The following SLC8A3 variants were observed in gnomAD, a reference collection of about 807,000 sequenced individuals.
The protein encoded by SLC8A3 is solute carrier family 8 member A3.
SLC8A3 carries 37 observed loss-of-function variants against 65.4 expected under a neutral mutation model. That is an observed-to-expected ratio of 0.57 (90% CI 0.44 to 0.74). SLC8A3 has a LOEUF of 0.74. Among genes scored for constraint, SLC8A3 ranks in the 30% least tolerant of loss-of-function variants. The pLI is 0.00. For missense variants in SLC8A3, 1,112 were observed against 1,172.1 expected, an observed-to-expected ratio of 0.95 and a Z score of 0.75; for synonymous variants, 461 against 444.5, an observed-to-expected ratio of 1.04 and a Z score of -0.47.
At chr14:70,177,724 C>T (rs777679241) in intron 1 of SLC8A3, among the ~76,000 whole-genome samples, 15 of 152,276 alleles carry the variant, frequency 9.9e-5, no homozygotes, top group Middle Eastern at 3.4e-3. Context: ...TGGTAAGAGG[C>T]CTTGTGTGCC....
intron 2 of SLC8A3, among the ~76,000 whole-genome samples, chr14:70,087,335 C>T (rs989086929): frequency 1.3e-4 from 20 of 152,190 alleles, no homozygotes; most frequent in Non-Finnish European, 2.9e-4. Context: ...TCTTAGGCTG[C>T]TGTGCAACTT....
intron 1 of SLC8A3, among the ~76,000 whole-genome samples, chr14:70,178,182 C>T (rs2140421781): frequency 6.6e-6 from 1 of 152,338 alleles, no homozygotes; most frequent in East Asian, 1.9e-4. Context: ...GGAATCAACA[C>T]AAAACCATCC....
intron 2 of SLC8A3, among the ~76,000 whole-genome samples, chr14:70,118,580 C>T (rs1284016379): frequency 1.6e-4 from 24 of 152,172 alleles, no homozygotes; most frequent in Admixed American, 1.6e-3. Flanking sequence ...AGAAAGAATG[C>T]CTTTGCTAGT....
chr14:70,164,836 T>A (rs1897082188), intron 2 of SLC8A3, among the ~76,000 whole-genome samples: 1 of 152,200 alleles, frequency 6.6e-6, no homozygotes, highest in African/African-American at 2.4e-5. Flanking sequence ...ATGGAGTTTG[T>A]TTTCCCAGTG....
Position 70,046,352 on chromosome 14 carries a change from T to G in SLC8A3, c.2390-29A>C. ...GAAAAGGACAAAGACACATGGGAACTGGTAGGAGGCTAAGGTGTGCAGGGC... is the reference window on the plus strand; with the variant it reads ...GAAAAGGACAAAGACACATGGGAACGGGTAGGAGGCTAAGGTGTGCAGGGC... On this transcript the variant is annotated intron_variant, in intron 6 of 6. Coordinates refer to ENST00000356921, the MANE Select transcript of SLC8A3 (RefSeq NM_182932.3). The surrounding 1 kb of genome is among the most constrained non-coding windows in gnomAD (Gnocchi z 4.2). The G allele has an allele frequency of 6.3e-7, 1 of 1,575,328 alleles. No individual in the cohort carries two copies. The highest frequency in any genetic ancestry group is 8.6e-7 in the Non-Finnish European group (1 of 1,159,040).
chr14:70,050,489 G>A (rs1333209182), intron 5 of SLC8A3, among the ~76,000 whole-genome samples: 2 of 152,138 alleles, frequency 1.3e-5, no homozygotes, highest in African/African-American at 4.8e-5. Flanking sequence ...GCTGTGCTGT[G>A]GGTCACTACT....
chr14:70,046,303 C>A lies in SLC8A3; in HGVS notation c.2410G>T (p.Ala804Ser), dbSNP rs1028484812. Reference sequence around the variant, plus strand: ...TCTGCATATACATCCTGGAGGGCAGCAGCTTTGCTGGCAAACGTATCTGGA... The same window carrying A: ...TCTGCATATACATCCTGGAGGGCAGAAGCTTTGCTGGCAAACGTATCTGGA... Reference protein sequence around the residue: ...SVPDTFASKAAALQDVYADAS... With the variant: ...SVPDTFASKASALQDVYADAS... Residue 804 changes from alanine (A) to serine (S), a missense_variant, in exon 7 of 7, where the codon GCT becomes TCT. Physicochemically the swap from Ala to Ser is moderately conservative, Grantham distance 99. Transcript: ENST00000356921. This position sits in a 1 kb window ranked among gnomAD's most constrained non-coding sequence, Gnocchi z 4.2. 6.2e-7 allele frequency: 1 copy of A among 1,608,620 alleles called. No homozygotes were observed. Among genetic ancestry groups the A allele is most frequent in the South Asian group, 1.1e-5 (1 of 90,618 alleles).
At chr14:70,112,009 G>T (rs957176582) in intron 2 of SLC8A3, among the ~76,000 whole-genome samples, 6 of 152,204 alleles carry the variant, frequency 3.9e-5, no homozygotes, top group African/African-American at 1.4e-4. Flanking sequence ...CAGTCAGCTT[G>T]GGTCTTCTGC....
chr14:70,056,040 T>C (rs1594898054), intron 3 of SLC8A3, among the ~76,000 whole-genome samples: 1 of 152,104 alleles, frequency 6.6e-6, no homozygotes, highest in Non-Finnish European at 1.5e-5. Flanking sequence ...ACCAGGGCCC[T>C]GGTAAGGGCA....
Position 70,167,169 on chromosome 14 carries a change from C to T in SLC8A3, c.1254G>A (p.Val418=), listed in dbSNP as rs1897222187. Residue 418 remains valine, a synonymous_variant, in exon 2 of 7, where the codon GTG becomes GTA. Coordinates refer to ENST00000356921, the MANE Select transcript of SLC8A3 (RefSeq NM_182932.3). The part of the protein sequence containing the change: ...LENCGAVLLT[V]VRKGGDMSKT... Reference sequence around the variant, plus strand: ...TTGACATGTCTCCCCCTTTCCTCACCACTGTCAGGAGTACAGCCCCACAGT... The same window carrying T: ...TTGACATGTCTCCCCCTTTCCTCACTACTGTCAGGAGTACAGCCCCACAGT... 2 of 1,614,148 alleles carry T rather than the reference C, an allele frequency of 1.2e-6. No individual in the cohort carries two copies. The highest frequency in any genetic ancestry group is 8.5e-7 in the Non-Finnish European group (1 of 1,180,022).
intron 2 of SLC8A3, among the ~76,000 whole-genome samples, chr14:70,109,627 T>A (rs1893141138): frequency 6.6e-6 from 1 of 151,846 alleles, no homozygotes. Flanking sequence ...CTAATTTTTG[T>A]ATTTTTGGTA....
intron 2 of SLC8A3, among the ~76,000 whole-genome samples, chr14:70,076,752 C>A (rs746833016): frequency 6.6e-6 from 1 of 152,168 alleles, no homozygotes; most frequent in South Asian, 2.1e-4. Flanking sequence ...GCTAGAATCA[C>A]GGCTCTGCTG....
At position 70,110,777 on chromosome 14, in the gene SLC8A3, T is replaced by A. The variant is rs1893245326; in HGVS notation, c.1785-49838A>T. Among the ~76,000 whole-genome samples the A allele has an allele frequency of 2.0e-5, 3 of 149,986 alleles. No homozygotes were observed. In the South Asian group the frequency reaches 6.3e-4, roughly 32 times the overall value. The stretch of plus-strand genomic sequence containing the variant: ...CTCACTGAAAGTTACGCCTCCCAGG[T>A]TCATGCCATTCTCCTGCCTCAGCCT... On this transcript the variant is annotated intron_variant, in intron 2 of 6. Transcript: ENST00000356921.
At chr14:70,105,810 C>T (rs561601682) in intron 2 of SLC8A3, among the ~76,000 whole-genome samples, 2 of 152,250 alleles carry the variant, frequency 1.3e-5, no homozygotes, top group Non-Finnish European at 2.9e-5. Flanking sequence ...AGACCAACAT[C>T]TCTCATGAAA....
chr14:70,125,721 AG>A (rs1940184549), intron 2 of SLC8A3, among the ~76,000 whole-genome samples: 1 of 152,064 alleles, frequency 6.6e-6, no homozygotes, highest in Admixed American at 6.6e-5. Context: ...ATCATATGGT[AG>A]TTCTATTTTC....
At chr14:70,170,621 T>A (rs1381981215) in intron 1 of SLC8A3, among the ~76,000 whole-genome samples, 2 of 152,250 alleles carry the variant, frequency 1.3e-5, no homozygotes, top group Non-Finnish European at 2.9e-5. Flanking sequence ...GAAATACATA[T>A]ACATTTCATA....
chr14:70,082,346 C>A (rs543016489), intron 2 of SLC8A3, among the ~76,000 whole-genome samples: 1 of 152,302 alleles, frequency 6.6e-6, no homozygotes, highest in African/African-American at 2.4e-5. Flanking sequence ...GGTGAAGGAA[C>A]GTCTCCAAGG....
intron 2 of SLC8A3, among the ~76,000 whole-genome samples, chr14:70,114,981 C>T (rs1893561758): frequency 1.3e-5 from 2 of 152,210 alleles, no homozygotes; most frequent in East Asian, 1.9e-4. Flanking sequence ...GACGAGTGTC[C>T]GGCTCCCTAA....
At chr14:70,126,461 AG>A (rs1274437215) in intron 2 of SLC8A3, among the ~76,000 whole-genome samples, 1 of 152,024 alleles carries the variant, frequency 6.6e-6, no homozygotes, top group African/African-American at 2.4e-5. Context: ...TTATTTGCTT[AG>A]AACTACATGA....
Sources: gnomAD v4.1 joint callset for allele counts (sites outside exome capture counted in the v4.1 genomes callset) on GRCh38, gnomAD v4.1.1 for gene constraint, Gnocchi (gnomAD v3.1) non-coding constraint, MANE v1.5 for transcripts, NCBI Gene and HGNC (gene_info 2026-07-23, HGNC 2026-07-21) for gene names.